The following SNX29 variants were observed in gnomAD, a reference collection of about 807,000 sequenced individuals.
SNX29 encodes sorting nexin-29.
In SNX29, 78 loss-of-function variants were observed where a neutral mutation model predicts 102.1. The ratio of observed to expected loss-of-function variants is 0.76; its 90% CI spans 0.64 to 0.92. SNX29 has a LOEUF of 0.92. Ranked by LOEUF, SNX29 falls within the 40% of genes least tolerant of loss-of-function variation. SNX29 has a pLI of 0.00. For missense variants in SNX29, 1,280 were observed against 1,061.7 expected (o/e 1.21, Z -2.86); for synonymous variants, 580 against 414.5 (o/e 1.40, Z -4.85).
chr16:12,298,996 T>TA (rs371181294), intron 15 of SNX29, among the ~76,000 whole-genome samples: 40,543 of 139,888 alleles, frequency 0.29, 6,309 homozygotes, highest in East Asian at 0.48. Flanking sequence ...AATGAGTCTT[T>TA]AAAAAAAAAA....
At chr16:12,194,067 G>A (rs1161190433) in intron 13 of SNX29, among the ~76,000 whole-genome samples, 1 of 152,120 alleles carries the variant, frequency 6.6e-6, no homozygotes, top group East Asian at 1.9e-4. Flanking sequence ...TAAATTTATA[G>A]ATCAATTTTG....
chr16:12,482,999 G>A (rs997599644), intron 19 of SNX29, among the ~76,000 whole-genome samples: 6 of 151,104 alleles, frequency 4.0e-5, no homozygotes, highest in African/African-American at 1.5e-4. Flanking sequence ...TTCACATACT[G>A]TATCAAGTTC....
At chr16:12,242,182 T>C (rs759292979) in intron 14 of SNX29, among the ~76,000 whole-genome samples, 6 of 152,200 alleles carry the variant, frequency 3.9e-5, no homozygotes, top group African/African-American at 7.2e-5. Context: ...GTTTCTGATA[T>C]ACAGTAAATG....
At chr16:12,445,686 C>T (rs912651710) in intron 18 of SNX29, among the ~76,000 whole-genome samples, 1 of 152,240 alleles carries the variant, frequency 6.6e-6, no homozygotes, top group Admixed American at 6.5e-5. Flanking sequence ...ACTTCTCTTT[C>T]TGCAGCCCAT....
chr16:12,561,363 G>A (rs2078714283), intron 20 of SNX29, among the ~76,000 whole-genome samples: 1 of 152,150 alleles, frequency 6.6e-6, no homozygotes, highest in Non-Finnish European at 1.5e-5. Flanking sequence ...TTATGAGGGA[G>A]CTAGGTCGTG....
chr16:12,168,941 T>C (rs921712622), intron 13 of SNX29, among the ~76,000 whole-genome samples: 6 of 151,734 alleles, frequency 4.0e-5, no homozygotes, highest in African/African-American at 1.2e-4. Flanking sequence ...GTGAGGAGGG[T>C]GGTGGTCCCC....
intron 14 of SNX29, among the ~76,000 whole-genome samples, chr16:12,207,005 G>A (rs916267241): frequency 1.3e-5 from 2 of 152,032 alleles, no homozygotes; most frequent in Non-Finnish European, 2.9e-5. Flanking sequence ...TAATCAAGGT[G>A]CACTTTTCTT....
At chr16:12,223,235 C>T (rs372650461) in intron 14 of SNX29, among the ~76,000 whole-genome samples, 1 of 152,120 alleles carries the variant, frequency 6.6e-6, no homozygotes, top group Non-Finnish European at 1.5e-5. Context: ...CGAGATTATA[C>T]TAGTATTAGG....
chr16:12,417,436 C>T (rs1184546030), intron 18 of SNX29, among the ~76,000 whole-genome samples: 1 of 152,146 alleles, frequency 6.6e-6, no homozygotes, highest in African/African-American at 2.4e-5. Flanking sequence ...ATTCCTGTGG[C>T]ACATCAGGGA....
chr16:12,443,054 C>A (rs762198987), intron 18 of SNX29: 1 of 455,702 alleles, frequency 2.2e-6, no homozygotes, highest in Non-Finnish European at 4.4e-6. Context: ...AGCCAGCAGG[C>A]CAGGCGTCCA....
chr16:12,150,428 T>A (rs2055249351), intron 13 of SNX29, among the ~76,000 whole-genome samples: 1 of 152,178 alleles, frequency 6.6e-6, no homozygotes, highest in African/African-American at 2.4e-5. Context: ...TGTGAATGAA[T>A]TATTTGCCTA....
intron 13 of SNX29, among the ~76,000 whole-genome samples, chr16:12,153,385 G>A (rs1335243401): frequency 1.3e-5 from 2 of 151,928 alleles, no homozygotes; most frequent in African/African-American, 4.8e-5. Context: ...GGCCGGTCTT[G>A]TGTACAGTCT....
chr16:12,323,155 T>G (rs570198470), intron 15 of SNX29, among the ~76,000 whole-genome samples: 99 of 131,260 alleles, frequency 7.5e-4, no homozygotes, highest in African/African-American at 2.3e-3. Flanking sequence ...ACTGTCAGGA[T>G]GTGGTCACTG....
chr16:12,129,537 G>T (rs2054362279), intron 12 of SNX29, 93 bp from the exon 13 acceptor site: 6 of 1,438,258 alleles, frequency 4.2e-6, no homozygotes, highest in Admixed American at 2.7e-5. Context: ...GAAAACGCAT[G>T]GCTTAGGACT....
At chr16:12,535,563 G>A (rs1368169982) in intron 20 of SNX29, among the ~76,000 whole-genome samples, 12 of 152,302 alleles carry the variant, frequency 7.9e-5, no homozygotes, top group Admixed American at 5.2e-4. Flanking sequence ...GGCAGCATGG[G>A]GAGTGTGAGC....
At chr16:12,321,895 G>A (rs1409021288) in intron 15 of SNX29, among the ~76,000 whole-genome samples, 2 of 152,172 alleles carry the variant, frequency 1.3e-5, no homozygotes, top group East Asian at 3.9e-4. Flanking sequence ...CCAGGGAGGT[G>A]GCCCAGCGTG....
intron 8 of SNX29, among the ~76,000 whole-genome samples, chr16:12,061,105 G>A (rs1214180314): frequency 6.6e-6 from 1 of 152,108 alleles, no homozygotes; most frequent in Admixed American, 6.5e-5. Flanking sequence ...GCTTCCTCCA[G>A]CTCCCCTCCT....
At chr16:12,492,875 G>A (rs1355968587) in intron 19 of SNX29, among the ~76,000 whole-genome samples, 1 of 152,148 alleles carries the variant, frequency 6.6e-6, no homozygotes, top group East Asian at 1.9e-4. Context: ...GCTCTGTTGT[G>A]TTCCATTGAT....
intron 20 of SNX29, among the ~76,000 whole-genome samples, chr16:12,566,136 G>A (rs907161381): frequency 1.3e-5 from 2 of 152,226 alleles, no homozygotes; most frequent in Non-Finnish European, 2.9e-5. Context: ...TCAGAGGGCA[G>A]GCATTTGCCT....
Sources: gnomAD v4.1 joint callset for allele counts (sites outside exome capture counted in the v4.1 genomes callset) on GRCh38, gnomAD v4.1.1 for gene constraint, MANE v1.5 for transcripts, NCBI Gene and HGNC (gene_info 2026-07-23, HGNC 2026-07-21) for gene names.